GPR55: variants seen among roughly 807,000 people sequenced by gnomAD.
GPR55 encodes G protein-coupled receptor 55.
In GPR55, 6 loss-of-function variants were observed where a neutral mutation model predicts 7.9. That is an observed-to-expected ratio of 0.76 (90% CI 0.41 to 1.49). The LOEUF (loss-of-function observed/expected upper bound fraction) is 1.49. Ranked by LOEUF, GPR55 falls within the 40% of genes most tolerant of loss-of-function variation. The pLI, the probability that GPR55 is intolerant of heterozygous loss-of-function variation, is 0.01. For synonymous variants in GPR55, 183 were observed against 166.8 expected (o/e 1.10, Z -0.75); for missense variants, 376 against 406.0 (o/e 0.93, Z 0.63).
chr2:230,927,971 G>A (rs1057150537), upstream of GPR55, among the ~76,000 whole-genome samples: 3 of 152,236 alleles, frequency 2.0e-5, no homozygotes, highest in African/African-American at 7.2e-5. Context: ...GAGCTGGTCA[G>A]GGAACAGGGG....
At chr2:230,942,681 G>T (rs1178910842) in intron 1 of GPR55, among the ~76,000 whole-genome samples, 3 of 152,102 alleles carry the variant, frequency 2.0e-5, no homozygotes, top group Non-Finnish European at 4.4e-5. Flanking sequence ...GGGGGCTGCA[G>T]GGTGGCAGGG....
chr2:230,929,174 G>T (rs966313277), upstream of GPR55, among the ~76,000 whole-genome samples: 1 of 152,024 alleles, frequency 6.6e-6, no homozygotes, highest in Non-Finnish European at 1.5e-5. Flanking sequence ...CTTAAACATT[G>T]AGCCCGGATG....
intron 1 of GPR55, among the ~76,000 whole-genome samples, chr2:230,916,488 C>T (rs1690718888): frequency 6.6e-6 from 1 of 151,716 alleles, no homozygotes; most frequent in South Asian, 2.1e-4. Context: ...CGTGCCACTG[C>T]ACTCCAGCCT....
chr2:230,936,535 T>C (rs555977461), intron 1 of GPR55, among the ~76,000 whole-genome samples: 1 of 152,328 alleles, frequency 6.6e-6, no homozygotes, highest in East Asian at 1.9e-4. Context: ...TGCTGAACTG[T>C]GAGTCAATTA....
chr2:230,931,929 A>G (rs1419393315), intron 1 of GPR55, among the ~76,000 whole-genome samples: 1 of 151,952 alleles, frequency 6.6e-6, no homozygotes, highest in East Asian at 1.9e-4. Context: ...GTCTCAGGGC[A>G]CCAGCACCCC....
intron 1 of GPR55, among the ~76,000 whole-genome samples, chr2:230,941,223 G>A (rs111314117): frequency 0.024 from 3,698 of 152,218 alleles, 137 homozygotes; most frequent in African/African-American, 0.085. Flanking sequence ...AGGAGCCCAC[G>A]GCCACTCCCA....
chr2:230,951,760 T>G (rs1290648717), intron 1 of GPR55, among the ~76,000 whole-genome samples: 4 of 144,530 alleles, frequency 2.8e-5, no homozygotes, highest in Admixed American at 2.7e-4. Flanking sequence ...ATTGGGGTTT[T>G]TTTTTTTTTT....
At chr2:230,912,247 G>T (rs556847430) in intron 1 of GPR55, among the ~76,000 whole-genome samples, 129 of 152,166 alleles carry the variant, frequency 8.5e-4, no homozygotes, top group East Asian at 9.7e-4. Context: ...AAGCAGCTGG[G>T]TGAGCAAGTG....
chr2:230,938,661 T>C (rs1691171278), intron 1 of GPR55, among the ~76,000 whole-genome samples: 1 of 152,220 alleles, frequency 6.6e-6, no homozygotes, highest in African/African-American at 2.4e-5. Flanking sequence ...GAGGCTGTCC[T>C]GGAGGCTGGA....
At chr2:230,940,692 G>A (rs576801031) in intron 1 of GPR55, among the ~76,000 whole-genome samples, 15 of 152,148 alleles carry the variant, frequency 9.9e-5, no homozygotes, top group Admixed American at 6.5e-5. Flanking sequence ...TGGCCGCCTC[G>A]CCCCAGCTGG....
rs563600688 is a variant in GPR55, at chr2:230,936,346, A to T, written c.-135+24429T>A. ...GAACCTGGTAGGAGGTAATTGAATC[A>T]TGGGGGCGGTTACCCTCATCCTGTT... On this transcript the variant is annotated intron_variant, in intron 1 of 1. Coordinates refer to the GPR55 transcript ENST00000392039. Among the ~76,000 whole-genome samples, 6 of 152,248 alleles carry T rather than the reference A, an allele frequency of 3.9e-5. No homozygotes were observed. The South Asian group carries it at 1.2e-3, about 32-fold the overall frequency.
chr2:230,950,761 T>C (rs903633497), intron 1 of GPR55, among the ~76,000 whole-genome samples: 16 of 152,118 alleles, frequency 1.1e-4, no homozygotes, highest in Non-Finnish European at 2.4e-4. Flanking sequence ...AGAATCTCTC[T>C]GGCCTTCTCC....
intron 1 of GPR55, among the ~76,000 whole-genome samples, chr2:230,945,663 C>T (rs1691302236): frequency 6.6e-6 from 1 of 152,176 alleles, no homozygotes. Context: ...AGCTCCACCT[C>T]CCGGGTTCAC....
At chr2:230,935,316 G>A (rs34494068) in intron 1 of GPR55, among the ~76,000 whole-genome samples, 2,652 of 152,306 alleles carry the variant, frequency 0.017, 31 homozygotes, top group Non-Finnish European at 0.022. Context: ...CAGCCCCAGC[G>A]CAGCCTCCTG....
intron 1 of GPR55, among the ~76,000 whole-genome samples, chr2:230,938,234 G>C (rs970180714): frequency 1.4e-5 from 2 of 138,468 alleles, no homozygotes; most frequent in Admixed American, 7.4e-5. Context: ...ATAAAAAGAA[G>C]CCGGCCAGGC....
chr2:230,960,494 AG>A (rs1691551059), intron 1 of GPR55, among the ~76,000 whole-genome samples: 1 of 152,040 alleles, frequency 6.6e-6, no homozygotes, highest in African/African-American at 2.4e-5. Context: ...GTCTTTAGCA[AG>A]GAAAAAAAAA....
Position 230,944,514 on chromosome 2 carries a change from C to T in GPR55, c.-135+16261G>A, listed in dbSNP as rs1364747995. On this transcript the variant is annotated intron_variant, in intron 1 of 1. Coordinates refer to the GPR55 transcript ENST00000392039. This position sits in a 1 kb window ranked among gnomAD's most constrained non-coding sequence, Gnocchi z 4.2. ...ATGTCCACAACAGAGATGACTGTGA[C>T]ACCCGGCACAAGATTTAATTCTCAG... 6.6e-6 allele frequency among the ~76,000 whole-genome samples: 1 copy of T among 152,184 alleles called. No homozygotes were observed. Among genetic ancestry groups the T allele is most frequent in the Non-Finnish European group, 1.5e-5 (1 of 68,032 alleles).
At position 230,948,023 on chromosome 2, in the gene GPR55, G is replaced by C. The variant is rs968496354; in HGVS notation, c.-135+12752C>G. Among the ~76,000 whole-genome samples, 3 of 152,246 alleles carry C rather than the reference G, an allele frequency of 2.0e-5. 1 individual carries two copies. The Middle Eastern group carries it at 0.01, about 518-fold the overall frequency. Reference sequence around the variant, plus strand: ...TGGATGAAGCCTGCAGTGCCCGCCCGGCTCCTTTGTGACATGGGTGTGGCC... The same window carrying C: ...TGGATGAAGCCTGCAGTGCCCGCCCCGCTCCTTTGTGACATGGGTGTGGCC... On this transcript the variant is annotated intron_variant, in intron 1 of 1. Coordinates refer to the GPR55 transcript ENST00000392039.
intron 1 of GPR55, among the ~76,000 whole-genome samples, chr2:230,943,087 AAGAGAGAGAGAGGAGAGAAAG>A (rs1474767109): frequency 6.6e-6 from 1 of 150,690 alleles, no homozygotes; most frequent in Non-Finnish European, 1.5e-5. Flanking sequence ...AGAGGAGAGA[AAGAGAGAGAGAGGAGAGAAAG>A]AGAGAGAGAG....
Sources: allele counts gnomAD v4.1 joint callset (sites outside exome capture counted in the v4.1 genomes callset), GRCh38; gene constraint gnomAD v4.1.1; non-coding constraint Gnocchi (gnomAD v3.1); transcripts MANE v1.5; gene names NCBI Gene and HGNC (gene_info 2026-07-23, HGNC 2026-07-21).